LRP1B: variants seen among roughly 807,000 people sequenced by gnomAD.
LRP1B encodes LDL receptor related protein 1B, also known as low-density lipoprotein receptor-related protein 1B.
LRP1B carries 217 observed loss-of-function variants against 556.6 expected under a neutral mutation model. The observed-to-expected ratio is 0.39, with a 90% confidence interval of 0.35 to 0.44. LRP1B has a LOEUF of 0.44. LRP1B is among the 20% of genes least tolerant of loss of function. LRP1B has a pLI of 1.00. For synonymous variants in LRP1B, 2,047 were observed against 1,865.8 expected, an observed-to-expected ratio of 1.10 and a Z score of -2.50; for missense variants, 5,053 against 5,620.8, an observed-to-expected ratio of 0.90 and a Z score of 3.23.
chr2:141,937,368 G>A (rs938280433), intron 1 of LRP1B, among the ~76,000 whole-genome samples: 7 of 151,586 alleles, frequency 4.6e-5, no homozygotes, highest in Non-Finnish European at 8.8e-5. Context: ...CTGGGCGACA[G>A]AGCGAGACTC....
chr2:141,294,974 A>G (rs1313265991), intron 3 of LRP1B, among the ~76,000 whole-genome samples: 1 of 152,070 alleles, frequency 6.6e-6, no homozygotes, highest in Non-Finnish European at 1.5e-5. Context: ...AGTGATTTCC[A>G]CACTTTTCTA....
rs545320009 is a variant in LRP1B at position 141,840,928 on chromosome 2, T to C, written c.83-30527A>G. On this transcript the variant is annotated intron_variant, in intron 1 of 90. Transcript: ENST00000389484. ...AAAGAAAATGCTAATTCCATGCATCTAGGGAAAAAAAAAAAAACCGTGGTG... is the reference window on the plus strand; with the variant it reads ...AAAGAAAATGCTAATTCCATGCATCCAGGGAAAAAAAAAAAAACCGTGGTG... 5.1e-3 allele frequency among the ~76,000 whole-genome samples: 388 copies of C among 75,390 alleles called. 3 individuals are homozygous for C. The highest frequency in any genetic ancestry group is 9.0e-3 in the Non-Finnish European group (320 of 35,450). 49.5% of individuals were successfully genotyped at this position (75,390 alleles called of 152,430 possible).
At chr2:140,578,996 T>A (rs1681647699) in intron 43 of LRP1B, among the ~76,000 whole-genome samples, 1 of 151,848 alleles carries the variant, frequency 6.6e-6, no homozygotes. Context: ...GAAGTCTATC[T>A]CCCTTCTCTC....
chr2:140,579,699 G>A (rs774372517), intron 43 of LRP1B, among the ~76,000 whole-genome samples: 8 of 152,104 alleles, frequency 5.3e-5, no homozygotes, highest in African/African-American at 1.4e-4. Context: ...AAAATCAGCC[G>A]GGCGTGATAG....
At chr2:140,957,465 C>G (rs1207910399) in intron 18 of LRP1B, among the ~76,000 whole-genome samples, 1 of 150,962 alleles carries the variant, frequency 6.6e-6, no homozygotes, top group Non-Finnish European at 1.5e-5. Context: ...TCAAAGAGAA[C>G]ACCTAGGAAG....
chr2:141,469,763 T>C (rs1291395696), intron 3 of LRP1B, among the ~76,000 whole-genome samples: 1 of 152,192 alleles, frequency 6.6e-6, no homozygotes, highest in Non-Finnish European at 1.5e-5. Flanking sequence ...TTCTAAATAT[T>C]TATGGTTAAT....
intron 1 of LRP1B, among the ~76,000 whole-genome samples, chr2:142,112,496 G>C (rs6712994): frequency 6.6e-6 from 1 of 151,782 alleles, no homozygotes; most frequent in African/African-American, 2.4e-5. Context: ...TATCAAATTC[G>C]GGAGGGAAAT....
At chr2:140,442,205 G>T (rs531978714) in intron 66 of LRP1B, among the ~76,000 whole-genome samples, 1 of 152,144 alleles carries the variant, frequency 6.6e-6, no homozygotes, top group East Asian at 1.9e-4. Flanking sequence ...TTCACTAAAT[G>T]TTAATGCCAT....
intron 68 of LRP1B, among the ~76,000 whole-genome samples, chr2:140,375,167 G>GTGTGTA (rs1449918014): frequency 8.0e-6 from 1 of 125,524 alleles, no homozygotes; most frequent in Non-Finnish European, 1.7e-5. Flanking sequence ...TTTTTATACT[G>GTGTGTA]TGTGTATGTG....
intron 3 of LRP1B, among the ~76,000 whole-genome samples, chr2:141,360,325 A>T (rs1468996074): frequency 6.6e-6 from 1 of 152,240 alleles, no homozygotes; most frequent in Non-Finnish European, 1.5e-5. Flanking sequence ...TTTGTCTCCA[A>T]GCTAAGTAAG....
intron 2 of LRP1B, among the ~76,000 whole-genome samples, chr2:141,512,933 T>A (rs1315201528): frequency 1.3e-5 from 2 of 152,162 alleles, no homozygotes; most frequent in Non-Finnish European, 2.9e-5. Flanking sequence ...AACTAGATCA[T>A]CTTGATCTAT....
intron 3 of LRP1B, among the ~76,000 whole-genome samples, chr2:141,398,767 G>C (rs1372881074): frequency 6.6e-6 from 1 of 152,202 alleles, no homozygotes; most frequent in African/African-American, 2.4e-5. Context: ...AATGACCCTG[G>C]TGGACAACCT....
rs1443940198 is a variant in LRP1B at position 140,965,846 on chromosome 2, T to C, written c.2888-13906A>G. 1.2e-4 allele frequency among the ~76,000 whole-genome samples: 18 copies of C among 149,070 alleles called. No homozygotes were observed. In the Admixed American group the frequency reaches 1.2e-3, roughly 10 times the overall value. ...TGCAATAGTTTGCTGAGAATGATGG[T>C]TTCTAGCTTCATCCACGTCCCTACA... On this transcript the variant is annotated intron_variant, in intron 18 of 90. Coordinates refer to ENST00000389484, the MANE Select transcript of LRP1B (RefSeq NM_018557.3).
chr2:141,411,945 A>T (rs1301568888), intron 3 of LRP1B, among the ~76,000 whole-genome samples: 4 of 152,080 alleles, frequency 2.6e-5, no homozygotes, highest in Admixed American at 2.6e-4. Flanking sequence ...TATAAATAGA[A>T]CAAAGTCTTG....
intron 6 of LRP1B, among the ~76,000 whole-genome samples, chr2:141,220,075 C>T (rs755664479): frequency 7.9e-5 from 12 of 152,056 alleles, no homozygotes; most frequent in Non-Finnish European, 1.5e-4. Flanking sequence ...TAGGCTTGGG[C>T]CAAGATGAAT....
At chr2:140,798,409 T>C (rs1690391568) in intron 32 of LRP1B, among the ~76,000 whole-genome samples, 2 of 152,180 alleles carry the variant, frequency 1.3e-5, no homozygotes, top group Admixed American at 1.3e-4. Context: ...CTCTGCCCAC[T>C]TTACAAGAAA....
chr2:141,215,823 G>C (rs1174424891), intron 6 of LRP1B, among the ~76,000 whole-genome samples: 2 of 152,174 alleles, frequency 1.3e-5, no homozygotes, highest in African/African-American at 4.8e-5. Flanking sequence ...AGAAGTGGGA[G>C]CAAAGAAATG....
intron 41 of LRP1B, among the ~76,000 whole-genome samples, chr2:140,654,539 T>A (rs1429404455): frequency 6.6e-6 from 1 of 152,192 alleles, no homozygotes; most frequent in Non-Finnish European, 1.5e-5. Flanking sequence ...AACCATTTAA[T>A]TTTTCTGTAC....
At chr2:141,912,824 C>T (rs751983373) in intron 1 of LRP1B, among the ~76,000 whole-genome samples, 4 of 152,130 alleles carry the variant, frequency 2.6e-5, no homozygotes, top group Non-Finnish European at 4.4e-5. Flanking sequence ...ATCTTTCTGG[C>T]CCCTTCTCCA....
Sources: gnomAD v4.1 joint callset for allele counts (sites outside exome capture counted in the v4.1 genomes callset) on GRCh38, gnomAD v4.1.1 for gene constraint, MANE v1.5 for transcripts, NCBI Gene and HGNC (gene_info 2026-07-23, HGNC 2026-07-21) for gene names.